Variants in SART3 observed in about 807,000 individuals in gnomAD.
SART3 encodes the protein spliceosome associated factor 3, U4/U6 recycling protein.
In SART3, 44 loss-of-function variants were observed where a neutral mutation model predicts 122.3. The ratio of observed to expected loss-of-function variants is 0.36; its 90% CI spans 0.28 to 0.46. The LOEUF (loss-of-function observed/expected upper bound fraction) is 0.46. SART3 is among the 20% of genes least tolerant of loss of function. The probability of loss-of-function intolerance (pLI) is 1.00; values close to 1 mark genes in which losing one functional copy is unlikely to be tolerated. For missense variants in SART3, 1,101 were observed against 1,229.0 expected, an observed-to-expected ratio of 0.90 and a Z score of 1.56; for synonymous variants, 442 against 454.0, an observed-to-expected ratio of 0.97 and a Z score of 0.34.
At chr12:108,537,738 T>C (rs1306171362) in intron 8 of SART3, 143 bp from the exon 9 acceptor site, 1 of 755,924 alleles carries the variant, frequency 1.3e-6, no homozygotes, top group Non-Finnish European at 2.3e-6. Flanking sequence ...ACAGGAATGT[T>C]GAAGACAGAA....
chr12:108,542,976 T>A, intron 6 of SART3, 52 bp downstream of exon 6: 1 of 1,612,122 alleles, frequency 6.2e-7, no homozygotes. Flanking sequence ...CAACTATCCA[T>A]CAGGGAAAGG....
At chr12:108,558,987 C>T (rs2030348048) in intron 1 of SART3, among the ~76,000 whole-genome samples, 1 of 138,388 alleles carries the variant, frequency 7.2e-6, no homozygotes, top group Non-Finnish European at 1.5e-5. Context: ...GAGCCGAGAT[C>T]GTGCCACTGC....
intron 10 of SART3, 68 bp from the exon 11 acceptor site, chr12:108,536,640 C>T (rs1462278878): frequency 6.2e-7 from 1 of 1,605,454 alleles, no homozygotes; most frequent in East Asian, 2.2e-5. Context: ...TGAAAAGGTA[C>T]ATCAACCAGG....
At position 108,547,924 on chromosome 12, in the gene SART3, C is replaced by A. The variant is rs11113986; in HGVS notation, c.507G>T (p.Val169=). The stretch of plus-strand genomic sequence containing the variant: ...TCACGGCTTTCTCAAAGAGGTCATA[C>A]ACGTGCTCTCTGTCCAGGCCATCCT... The part of the protein sequence containing the change: ...MAQDGLDREH[V]YDLFEKAVKD... Residue 169 remains valine, a synonymous_variant, in exon 3 of 19, where the codon GTG becomes GTT. Transcript: ENST00000546815. The A allele has an allele frequency of 1.9e-6, 3 of 1,613,724 alleles. No individual in the cohort carries two copies. Among genetic ancestry groups the A allele is most frequent in the Non-Finnish European group, 2.5e-6 (3 of 1,179,970 alleles).
At chr12:108,536,897 A>C in intron 9 of SART3, 112 bp from the exon 10 acceptor site, 1 of 937,798 alleles carries the variant, frequency 1.1e-6, no homozygotes, top group South Asian at 1.4e-5. Context: ...GGCATCATGC[A>C]AGGGACACAG....
intron 3 of SART3, 106 bp downstream of exon 3, chr12:108,547,781 C>T (rs1873495628): frequency 1.3e-6 from 1 of 795,312 alleles, no homozygotes; most frequent in Non-Finnish European, 2.1e-6. Context: ...AATTGTGAAA[C>T]TAACGTTCCC....
chr12:108,523,378 TC>T lies in SART3; in HGVS notation c.*78del, dbSNP rs1303940795. The T allele has an allele frequency of 6.9e-7, 1 of 1,450,146 alleles. No individual in the cohort carries two copies. The highest frequency in any genetic ancestry group is 9.7e-7 in the Non-Finnish European group (1 of 1,032,716). 89.8% of individuals were successfully genotyped at this position (1,450,146 alleles called of 1,614,324 possible). A position where few individuals can be genotyped will look rare whatever the true frequency, so the allele number is the denominator to read the frequency against. ...GCACGCAGCACACCAGGCCTGTCCA[TC>T]CCCAGTGCACTGCTGGGTGGTGGGA... On this transcript the variant is annotated 3_prime_UTR_variant, in exon 19 of 19. Coordinates refer to ENST00000546815, the MANE Select transcript of SART3 (RefSeq NM_014706.4).
chr12:108,523,742 T>TG (rs1872238764), intron 18 of SART3, 108 bp from the exon 19 acceptor site: 3 of 860,986 alleles, frequency 3.5e-6, no homozygotes, highest in Non-Finnish European at 5.2e-6. Flanking sequence ...AGTTAAAAGG[T>TG]GAAAAAAAAA....
At chr12:108,560,527 A>G (rs1194630729) in intron 1 of SART3, 2 of 410,520 alleles carry the variant, frequency 4.9e-6, no homozygotes, top group East Asian at 7.1e-5. Context: ...ATGGGATCAA[A>G]GTACAAGGCC....
At chr12:108,531,319 T>C in intron 13 of SART3, 39 bp from the exon 14 acceptor site, 1 of 1,511,892 alleles carries the variant, frequency 6.6e-7, no homozygotes, top group Non-Finnish European at 9.2e-7. Context: ...CTCTTTAGGA[T>C]TTTGAAGGAT....
chr12:108,549,064 A>G, intron 2 of SART3, 24 bp downstream of exon 2: 1 of 1,613,968 alleles, frequency 6.2e-7, no homozygotes, highest in Non-Finnish European at 8.5e-7. Flanking sequence ...TGTTTCTAAA[A>G]GCAGCCTGAC....
intron 1 of SART3, among the ~76,000 whole-genome samples, chr12:108,557,913 G>A (rs191017979): frequency 1.1e-4 from 16 of 152,248 alleles, no homozygotes; most frequent in African/African-American, 3.4e-4. Flanking sequence ...CCTGTGATCC[G>A]AGCACTTTGG....
At chr12:108,559,144 T>A (rs938674383) in intron 1 of SART3, among the ~76,000 whole-genome samples, 1 of 150,920 alleles carries the variant, frequency 6.6e-6, no homozygotes. Context: ...TACCAATGGA[T>A]GACATCACTA....
At chr12:108,549,461 T>C (rs978249751) in intron 1 of SART3, 1 of 473,868 alleles carries the variant, frequency 2.1e-6, no homozygotes, top group Non-Finnish European at 3.8e-6. Context: ...TTGGGTTCTC[T>C]TGGAAATAAA....
intron 1 of SART3, among the ~76,000 whole-genome samples, chr12:108,551,048 A>C (rs188547771): frequency 6.6e-6 from 1 of 152,236 alleles, no homozygotes; most frequent in Non-Finnish European, 1.5e-5. Context: ...AGATAATGGT[A>C]GAGTGGATAA....
intron 1 of SART3, among the ~76,000 whole-genome samples, chr12:108,554,744 G>A (rs778699857): frequency 2.0e-5 from 3 of 150,664 alleles, no homozygotes; most frequent in Admixed American, 6.6e-5. Context: ...AAACTTCCCA[G>A]TATTGCCTTC....
intron 14 of SART3, among the ~76,000 whole-genome samples, chr12:108,530,567 A>G (rs967826488): frequency 2.0e-5 from 3 of 152,148 alleles, no homozygotes; most frequent in African/African-American, 7.2e-5. Flanking sequence ...AAAAAAATCC[A>G]TAAAACTGGC....
At chr12:108,557,426 T>C (rs2030277900) in intron 1 of SART3, among the ~76,000 whole-genome samples, 1 of 152,060 alleles carries the variant, frequency 6.6e-6, no homozygotes, top group African/African-American at 2.4e-5. Flanking sequence ...TCCCTAGCAA[T>C]GTGAAAAATG....
chr12:108,526,523 T>C lies in SART3; in HGVS notation c.1946A>G (p.Asn649Ser). ...EQPSKRRRVENSIPAAGETQN... is the reference protein window; with the variant it reads ...EQPSKRRRVESSIPAAGETQN... ...TGTTTCTCCAGCTGCAGGGATGCTG[T>C]TCTCGACCCTTCTGCGTTTGGAAGG... is the stretch of plus-strand genomic sequence containing the variant. The change falls in exon 16 of 19, where the codon AAC becomes AGC. Residue 649 changes from asparagine to serine, a missense_variant. Physicochemically the swap from Asn to Ser is conservative, Grantham distance 46 (BLOSUM62 1). This residue lies in a region of SART3 where 885 missense variants were observed against 1,080.1 expected (regional missense o/e 0.82). Coordinates refer to ENST00000546815, the MANE Select transcript of SART3 (RefSeq NM_014706.4). The C allele has an allele frequency of 1.2e-6, 2 of 1,614,080 alleles. No homozygotes were observed. Among genetic ancestry groups the C allele is most frequent in the Non-Finnish European group, 1.7e-6 (2 of 1,180,038 alleles).
Sources: allele counts gnomAD v4.1 joint callset (sites outside exome capture counted in the v4.1 genomes callset), GRCh38; gene constraint gnomAD v4.1.1; regional missense constraint gnomAD v4.1.1; transcripts MANE v1.5; gene names NCBI Gene and HGNC (gene_info 2026-07-23, HGNC 2026-07-21).